CDH13: variants seen among roughly 807,000 people sequenced by gnomAD.
CDH13 encodes cadherin-13.
CDH13 carries 24 observed loss-of-function variants against 63.8 expected under a neutral mutation model. The observed-to-expected ratio is 0.38, with a 90% CI of 0.27 to 0.53. The LOEUF is 0.53. Ranked by LOEUF, CDH13 falls within the 20% of genes least tolerant of loss-of-function variation. The probability of loss-of-function intolerance (pLI) is 0.85; values close to 1 mark genes in which losing one functional copy is unlikely to be tolerated. For synonymous variants in CDH13, 503 were observed against 355.3 expected, an observed-to-expected ratio of 1.42 and a Z score of -4.67; for missense variants, 1,049 against 903.1, an observed-to-expected ratio of 1.16 and a Z score of -2.07.
At chr16:83,759,951 A>G (rs1454258889) in intron 11 of CDH13, among the ~76,000 whole-genome samples, 2 of 139,272 alleles carry the variant, frequency 1.4e-5, no homozygotes, top group African/African-American at 5.2e-5. Context: ...AAAAAAAAAA[A>G]AAGAAAGAAA....
chr16:82,913,697 T>C (rs868043879), intron 2 of CDH13, among the ~76,000 whole-genome samples: 6 of 151,954 alleles, frequency 3.9e-5, no homozygotes, highest in Admixed American at 2.6e-4. Flanking sequence ...GAGGGACCAC[T>C]GAGGTTTGTC....
intron 3 of CDH13, among the ~76,000 whole-genome samples, chr16:83,084,180 C>G (rs535200952): frequency 6.6e-6 from 1 of 152,118 alleles, no homozygotes; most frequent in Non-Finnish European, 1.5e-5. Context: ...CTGATGGGCA[C>G]GTACACAAAA....
chr16:83,754,057 C>T (rs1913306833), intron 11 of CDH13, among the ~76,000 whole-genome samples: 1 of 151,956 alleles, frequency 6.6e-6, no homozygotes, highest in Admixed American at 6.6e-5. Flanking sequence ...GTGTCAGAAT[C>T]ACAGGGAGCT....
At chr16:82,856,293 G>A (rs530390684) in intron 1 of CDH13, among the ~76,000 whole-genome samples, 106 of 150,114 alleles carry the variant, frequency 7.1e-4, no homozygotes, top group African/African-American at 2.4e-3. Flanking sequence ...GGAGAATGGC[G>A]TCAAGCTGGG....
intron 3 of CDH13, among the ~76,000 whole-genome samples, chr16:83,082,023 C>T (rs979788604): frequency 3.9e-5 from 6 of 152,174 alleles, no homozygotes; most frequent in Non-Finnish European, 8.8e-5. Context: ...TGGTCTCGAA[C>T]TCCCAACCTC....
chr16:83,058,476 C>T (rs947863893), intron 3 of CDH13, among the ~76,000 whole-genome samples: 3 of 152,166 alleles, frequency 2.0e-5, no homozygotes. Flanking sequence ...ATTCTTGTGA[C>T]CTCACTGATG....
intron 3 of CDH13, among the ~76,000 whole-genome samples, chr16:83,081,207 T>G (rs1371547804): frequency 6.6e-6 from 1 of 152,104 alleles, no homozygotes; most frequent in Non-Finnish European, 1.5e-5. Context: ...CTTTGAAAAG[T>G]TAGGATTCAA....
intron 6 of CDH13, among the ~76,000 whole-genome samples, chr16:83,426,509 TCACACACACACACACACA>T (rs10545707): frequency 1.4e-5 from 2 of 146,606 alleles, no homozygotes; most frequent in South Asian, 4.4e-4. Context: ...ATGGAAACAA[TCACACACACACACACACA>T]CACACACACA....
At chr16:83,540,689 G>T (rs2075282298) in intron 7 of CDH13, among the ~76,000 whole-genome samples, 1 of 152,180 alleles carries the variant, frequency 6.6e-6, no homozygotes, top group African/African-American at 2.4e-5. Context: ...TTGTCATGAT[G>T]GTCTCAAGTA....
chr16:83,110,029 G>A (rs1279166802), intron 3 of CDH13, among the ~76,000 whole-genome samples: 1 of 152,180 alleles, frequency 6.6e-6, no homozygotes, highest in Non-Finnish European at 1.5e-5. Context: ...TTTTTAACTA[G>A]CGGTTCAAAC....
Position 83,125,011 on chromosome 16 carries a change from C to G in CDH13, c.367-374C>G, listed in dbSNP as rs535992465. On this transcript the variant is annotated intron_variant, in intron 3 of 13. Transcript: ENST00000567109. Reference sequence around the variant, plus strand: ...TGTTATAAAACCAATTCTTTATTGGCTGTAAATCAAATAAAATTTTATATC... The same window carrying G: ...TGTTATAAAACCAATTCTTTATTGGGTGTAAATCAAATAAAATTTTATATC... Among the ~76,000 whole-genome samples, 221 of 152,254 alleles carry G rather than the reference C, an allele frequency of 1.5e-3. 1 individual carries two copies. The highest frequency in any genetic ancestry group is 2.4e-3 in the Non-Finnish European group (166 of 68,022).
intron 4 of CDH13, among the ~76,000 whole-genome samples, chr16:83,187,176 G>A (rs1446504991): frequency 6.6e-6 from 1 of 152,058 alleles, no homozygotes; most frequent in African/African-American, 2.4e-5. Flanking sequence ...TCACCATGTT[G>A]GCCTGGCTGG....
chr16:82,638,530 T>G (rs532462930), intron 1 of CDH13, among the ~76,000 whole-genome samples: 2 of 152,220 alleles, frequency 1.3e-5, no homozygotes, highest in Non-Finnish European at 2.9e-5. Context: ...GTTGTATTAC[T>G]TTTCACCCTA....
intron 6 of CDH13, among the ~76,000 whole-genome samples, chr16:83,370,822 G>A (rs1251565289): frequency 3.9e-5 from 6 of 152,156 alleles, no homozygotes; most frequent in Admixed American, 3.3e-4. Flanking sequence ...GTATAGCTGT[G>A]TAGTATTCCA....
rs530886100 is a variant in CDH13 at position 82,737,131 on chromosome 16, C to G, written c.45+109994C>G. Among the ~76,000 whole-genome samples the G allele has an allele frequency of 3.3e-5, 5 of 152,344 alleles. No homozygotes were observed. The East Asian group carries it at 9.6e-4, about 29-fold the overall frequency. On this transcript the variant is annotated intron_variant, in intron 1 of 13. Transcript: ENST00000567109. The stretch of plus-strand genomic sequence containing the variant: ...GAATCTTTATCTTAAGCCTTGAACC[C>G]TCTAGAACAATTTCATTTGTGTGCT...
In CDH13 at chr16:83,194,031, A is replaced by C. The variant is rs574739719; in HGVS notation, c.484-23314A>C. Among the ~76,000 whole-genome samples the C allele has an allele frequency of 9.2e-5, 14 of 152,330 alleles. No homozygotes were observed. In the South Asian group the frequency reaches 2.9e-3, roughly 32 times the overall value. On this transcript the variant is annotated intron_variant, in intron 4 of 13. Coordinates refer to ENST00000567109, the MANE Select transcript of CDH13 (RefSeq NM_001257.5). ...ATTAGAAAAGCTGCCACCCACACAC[A>C]GGATGCTTTTCTCTACTTCTGAGTG...
intron 2 of CDH13, among the ~76,000 whole-genome samples, chr16:82,887,817 G>A (rs957065987): frequency 1.7e-4 from 26 of 151,718 alleles, no homozygotes; most frequent in South Asian, 8.3e-4. Context: ...GTGAGACTCC[G>A]TCTCAGAAAA....
chr16:82,935,828 T>G (rs941837874), intron 2 of CDH13, among the ~76,000 whole-genome samples: 1 of 152,100 alleles, frequency 6.6e-6, no homozygotes, highest in Non-Finnish European at 1.5e-5. Context: ...ACGAGGAGTT[T>G]AGGAGTGGAG....
At chr16:82,638,947 C>T (rs1490278815) in intron 1 of CDH13, among the ~76,000 whole-genome samples, 1 of 151,722 alleles carries the variant, frequency 6.6e-6, no homozygotes, top group African/African-American at 2.4e-5. Flanking sequence ...GGAATCCTTC[C>T]TGCAACCCTT....
Sources: allele counts gnomAD v4.1 joint callset (sites outside exome capture counted in the v4.1 genomes callset), GRCh38; gene constraint gnomAD v4.1.1; transcripts MANE v1.5; gene names NCBI Gene and HGNC (gene_info 2026-07-23, HGNC 2026-07-21).